The following RP1 variants were observed in gnomAD, a reference collection of about 807,000 sequenced individuals.
RP1 encodes oxygen-regulated protein 1.
In RP1, 16 loss-of-function variants were observed where a neutral mutation model predicts 14.8. The ratio of observed to expected loss-of-function variants is 1.08; its 90% CI spans 0.73 to 1.65. The LOEUF (loss-of-function observed/expected upper bound fraction) is 1.65. Ranked by LOEUF, RP1 falls within the 40% of genes most tolerant of loss-of-function variation. The probability of loss-of-function intolerance (pLI) is 0.00; values close to 1 mark genes in which losing one functional copy is unlikely to be tolerated. For missense variants in RP1, 2,631 were observed against 2,535.0 expected (o/e 1.04, Z -0.81); for synonymous variants, 876 against 883.6 (o/e 0.99, Z 0.15).
intron 19 of RP1, among the ~76,000 whole-genome samples, chr8:54,754,548 TCTACTACTG>T (rs1197421867): frequency 6.6e-6 from 1 of 152,196 alleles, no homozygotes; most frequent in African/African-American, 2.4e-5. Context: ...TGATGGCACT[TCTACTACTG>T]CTACTACTGC....
intron 24 of RP1, among the ~76,000 whole-genome samples, chr8:54,802,862 T>C (rs1810746870): frequency 6.6e-6 from 1 of 152,200 alleles, no homozygotes; most frequent in African/African-American, 2.4e-5. Flanking sequence ...TCTCTTGGGA[T>C]TGGATGAAAC....
intron 12 of RP1, among the ~76,000 whole-genome samples, chr8:54,692,191 C>T (rs1807731124): frequency 6.6e-6 from 1 of 151,428 alleles, no homozygotes; most frequent in Non-Finnish European, 1.5e-5. Flanking sequence ...GTATATGTGC[C>T]ACATTTTCTT....
At chr8:54,634,532 T>C (rs1806311728), downstream of RP1, among the ~76,000 whole-genome samples, 1 of 152,260 alleles carries the variant, frequency 6.6e-6, no homozygotes, top group Non-Finnish European at 1.5e-5. Flanking sequence ...AGTAATTTCT[T>C]TTTTGTCCAT....
intron 1 of RP1, among the ~76,000 whole-genome samples, chr8:54,601,111 A>G (rs1013074562): frequency 2.0e-5 from 3 of 152,188 alleles, no homozygotes; most frequent in South Asian, 4.1e-4. Flanking sequence ...TCTGCCTTAC[A>G]ATGTAGGAGT....
At chr8:54,688,118 A>C (rs908738986) in intron 12 of RP1, among the ~76,000 whole-genome samples, 3 of 152,070 alleles carry the variant, frequency 2.0e-5, no homozygotes, top group Admixed American at 6.6e-5. Flanking sequence ...TTCTTTTGAG[A>C]AGTGTCTATT....
At chr8:54,788,225 G>T (rs1305240493) in intron 24 of RP1, among the ~76,000 whole-genome samples, 1 of 152,104 alleles carries the variant, frequency 6.6e-6, no homozygotes, top group African/African-American at 2.4e-5. Context: ...TAGGAGGAAG[G>T]AATATAGGAA....
At chr8:54,673,676 G>T (rs1807230430) in intron 7 of RP1, among the ~76,000 whole-genome samples, 1 of 152,128 alleles carries the variant, frequency 6.6e-6, no homozygotes, top group South Asian at 2.1e-4. Flanking sequence ...GGAGGCAGAG[G>T]TTGCAGTGAG....
At chr8:54,827,773 T>C (rs1249233140) in intron 24 of RP1, among the ~76,000 whole-genome samples, 2 of 152,014 alleles carry the variant, frequency 1.3e-5, no homozygotes, top group Non-Finnish European at 2.9e-5. Context: ...TGACAGGCGC[T>C]TGTAATCTCA....
At chr8:54,563,577 C>A (rs1804334482) in intron 1 of RP1, among the ~76,000 whole-genome samples, 1 of 151,724 alleles carries the variant, frequency 6.6e-6, no homozygotes, top group South Asian at 2.1e-4. Context: ...GCGATGGGGT[C>A]TTGTTCCTCC....
chr8:54,664,809 A>G (rs1245122664), intron 7 of RP1, among the ~76,000 whole-genome samples: 2 of 152,140 alleles, frequency 1.3e-5, no homozygotes, highest in African/African-American at 2.4e-5. Context: ...TCATGGACAC[A>G]ATGAGAGCAA....
chr8:54,754,944 T>C, intron 20 of RP1: 1 of 1,519,560 alleles, frequency 6.6e-7, no homozygotes. Flanking sequence ...ATGTGTGTTT[T>C]TAATCTTCAG....
At chr8:54,631,333 A>G (rs1806242730), downstream of RP1, among the ~76,000 whole-genome samples, 1 of 152,198 alleles carries the variant, frequency 6.6e-6, no homozygotes, top group Non-Finnish European at 1.5e-5. Flanking sequence ...TGGAAGCTAT[A>G]ATGTTATGTA....
intron 6 of RP1, among the ~76,000 whole-genome samples, chr8:54,656,616 T>C (rs1348585208): frequency 6.6e-6 from 1 of 151,796 alleles, no homozygotes; most frequent in Non-Finnish European, 1.5e-5. Context: ...ACACAACTGC[T>C]CAATGACTTT....
chr8:54,707,376 G>A (rs1377141984), intron 15 of RP1, among the ~76,000 whole-genome samples: 3 of 152,124 alleles, frequency 2.0e-5, no homozygotes, highest in Non-Finnish European at 2.9e-5. Context: ...CACTGCCTTG[G>A]CCTCCCAAAG....
chr8:54,657,462 G>GT (rs1806779867), intron 6 of RP1, among the ~76,000 whole-genome samples: 1 of 152,130 alleles, frequency 6.6e-6, no homozygotes, highest in African/African-American at 2.4e-5. Context: ...CCTATCATAT[G>GT]TATCTATAAA....
At chr8:54,690,205 C>T (rs1807677436) in intron 12 of RP1, among the ~76,000 whole-genome samples, 1 of 151,984 alleles carries the variant, frequency 6.6e-6, no homozygotes, top group Non-Finnish European at 1.5e-5. Flanking sequence ...AATTCCAGTT[C>T]CTCTCTGAGG....
chr8:54,807,632 G>GTCTA (rs145286591), intron 24 of RP1, among the ~76,000 whole-genome samples: 3,573 of 125,008 alleles, frequency 0.029, 50 homozygotes, highest in Middle Eastern at 0.043. Context: ...CTGTCTGTCT[G>GTCTA]TCTATCTATC....
chr8:54,641,757 A>G (rs1261661579), intron 3 of RP1, among the ~76,000 whole-genome samples: 2 of 152,214 alleles, frequency 1.3e-5, no homozygotes, highest in Non-Finnish European at 2.9e-5. Context: ...GGTAGCTGTT[A>G]TGTAATAGGC....
In RP1 at chr8:54,627,504, C is replaced by G; in HGVS notation, c.3622C>G (p.Leu1208Val). 1.2e-6 allele frequency: 2 copies of G among 1,614,174 alleles called. No homozygotes were observed. Among genetic ancestry groups the G allele is most frequent in the Non-Finnish European group, 1.7e-6 (2 of 1,179,992 alleles). Residue 1208 changes from leucine (L) to valine (V), a missense_variant, in exon 4 of 4, where the codon CTT (leucine) becomes GTT (valine). Leu to Val is a conservative substitution (Grantham distance 32). Transcript: ENST00000220676. ...EKEQDMVPIDLSANCSTVNIQ... is the reference protein window; with the variant it reads ...EKEQDMVPIDVSANCSTVNIQ... ...AGAACAAGACATGGTTCCAATAGAT[C>G]TTTCTGCAAATTGTTCCACGGTCAA... is the stretch of plus-strand genomic sequence containing the variant.
Sources: gnomAD v4.1 joint callset for allele counts (sites outside exome capture counted in the v4.1 genomes callset) on GRCh38, gnomAD v4.1.1 for gene constraint, MANE v1.5 for transcripts, NCBI Gene and HGNC (gene_info 2026-07-23, HGNC 2026-07-21) for gene names.